CRCP: variants seen among roughly 807,000 people sequenced by gnomAD.
CRCP encodes CGRP receptor component.
In CRCP, 18 loss-of-function variants were observed where a neutral mutation model predicts 18.5. The ratio of observed to expected loss-of-function variants is 0.97; its 90% confidence interval spans 0.67 to 1.44. The LOEUF (loss-of-function observed/expected upper bound fraction) is 1.44, where lower values mean the gene tolerates loss of function less well. Ranked by LOEUF, CRCP falls within the 40% of genes most tolerant of loss-of-function variation. The pLI is 0.00. For missense variants in CRCP, 130 were observed against 176.4 expected (o/e 0.74, Z 1.49); for synonymous variants, 53 against 62.9 (o/e 0.84, Z 0.75).
At chr7:66,130,655 C>A in intron 2 of CRCP, 89 bp from the exon 3 acceptor site, 1 of 720,550 alleles carries the variant, frequency 1.4e-6, no homozygotes, top group Non-Finnish European at 2.4e-6. Context: ...AAGTACTATA[C>A]TTTCCTGTTT....
chr7:66,121,745 T>A (rs1274803120), intron 1 of CRCP, among the ~76,000 whole-genome samples: 1 of 152,216 alleles, frequency 6.6e-6, no homozygotes, highest in East Asian at 1.9e-4. Flanking sequence ...GAACGTAATA[T>A]ATATAATTGG....
At position 66,153,342 on chromosome 7, in the gene CRCP, G is replaced by A. The variant is rs1253279751; in HGVS notation, c.*985G>A. On this transcript the variant is annotated 3_prime_UTR_variant, in exon 6 of 6. Coordinates refer to ENST00000395326, the MANE Select transcript of CRCP (RefSeq NM_014478.5). ...TAATCCCAGCTACTCGGGAGGCCGA[G>A]GCAGGAGAATCGCTTGAACCCGGGA... 2.0e-5 allele frequency: 3 copies of A among 152,334 alleles called. No individual in the cohort carries two copies. The highest frequency in any genetic ancestry group is 4.8e-5 in the African/African-American group (2 of 41,536). The allele number at this position is 152,334 out of a possible 1,614,324, so 9.4% of individuals were successfully genotyped here. A position where few individuals can be genotyped will look rare whatever the true frequency, so the allele number is the denominator to read the frequency against.
intron 1 of CRCP, among the ~76,000 whole-genome samples, chr7:66,125,816 AC>A (rs1787602687): frequency 6.7e-6 from 1 of 149,116 alleles, no homozygotes; most frequent in African/African-American, 2.4e-5. Flanking sequence ...AAGAGAAAAA[AC>A]ATTCATATTT....
At chr7:66,127,928 T>A (rs927625981) in intron 2 of CRCP, among the ~76,000 whole-genome samples, 188 bp downstream of exon 2, 1 of 152,020 alleles carries the variant, frequency 6.6e-6, no homozygotes. Context: ...CTGGCCAACA[T>A]GGTGAAACCC....
chr7:66,146,964 G>T (rs1408692311), intron 5 of CRCP, among the ~76,000 whole-genome samples: 2 of 152,214 alleles, frequency 1.3e-5, no homozygotes, highest in African/African-American at 4.8e-5. Flanking sequence ...CAGGCAGAGA[G>T]AAGAGATGAG....
chr7:66,133,853 G>GTT (rs1787886001), intron 3 of CRCP, among the ~76,000 whole-genome samples: 1 of 123,594 alleles, frequency 8.1e-6, no homozygotes. Flanking sequence ...TTTCTTTTTT[G>GTT]TTTTCTTTTT....
chr7:66,122,882 A>G (rs1241688538), intron 1 of CRCP, among the ~76,000 whole-genome samples: 2 of 151,988 alleles, frequency 1.3e-5, no homozygotes, highest in South Asian at 2.1e-4. Context: ...TTTTCTAGAC[A>G]GTCTTTAAAA....
At chr7:66,124,228 C>T (rs1318200974) in intron 1 of CRCP, among the ~76,000 whole-genome samples, 3 of 150,962 alleles carry the variant, frequency 2.0e-5, no homozygotes, top group Non-Finnish European at 4.4e-5. Context: ...GGGCTGATGG[C>T]GGGTGCCTGT....
intron 2 of CRCP, among the ~76,000 whole-genome samples, chr7:66,129,548 C>A (rs1240893932): frequency 6.6e-6 from 1 of 151,956 alleles, no homozygotes; most frequent in Non-Finnish European, 1.5e-5. Flanking sequence ...AGAAACCTAC[C>A]CCCTTGTGGT....
At chr7:66,134,032 G>GT (rs946567058) in intron 3 of CRCP, among the ~76,000 whole-genome samples, 2 of 151,324 alleles carry the variant, frequency 1.3e-5, no homozygotes, top group African/African-American at 4.8e-5. Flanking sequence ...CTAATTTTTT[G>GT]TATTTTTGGT....
At chr7:66,152,124 C>A in intron 5 of CRCP, 84 bp from the exon 6 acceptor site, 1 of 1,519,470 alleles carries the variant, frequency 6.6e-7, no homozygotes, top group Non-Finnish European at 9.0e-7. Flanking sequence ...GGAGGCCGGG[C>A]TGAGACCATG....
At chr7:66,124,430 A>T (rs1787556717) in intron 1 of CRCP, among the ~76,000 whole-genome samples, 1 of 152,116 alleles carries the variant, frequency 6.6e-6, no homozygotes, top group Non-Finnish European at 1.5e-5. Flanking sequence ...ACCACTTGTT[A>T]ACATTTTGAT....
Position 66,152,236 on chromosome 7 carries a change from C to T in CRCP, c.326C>T (p.Thr109Met), listed in dbSNP as rs763691873. The T allele has an allele frequency of 1.3e-5, 21 of 1,613,934 alleles. No homozygotes were observed. The highest frequency in any genetic ancestry group is 4.0e-5 in the African/African-American group (3 of 74,886). The change falls in exon 6 of 6, where the codon ACG (threonine) becomes ATG (methionine). Residue 109 changes from threonine to methionine, a missense_variant. By Grantham distance (81) the Thr-to-Met change is moderately conservative (BLOSUM62 -1). Transcript: ENST00000395326. ...LMVEESEERLTEEQIEALLHT... is the reference protein window; with the variant it reads ...LMVEESEERLMEEQIEALLHT... ...GTGGAAGAGAGTGAAGAGCGGCTCA[C>T]GGAGGAGCAGATTGAAGCTCTTCTC...
At chr7:66,149,793 T>C (rs1042136244) in intron 5 of CRCP, among the ~76,000 whole-genome samples, 1 of 152,018 alleles carries the variant, frequency 6.6e-6, no homozygotes, top group Non-Finnish European at 1.5e-5. Flanking sequence ...ATGACTACAT[T>C]ATCCCTCACC....
At chr7:66,117,577 A>G (rs1438858678) in intron 1 of CRCP, among the ~76,000 whole-genome samples, 6 of 152,098 alleles carry the variant, frequency 3.9e-5, no homozygotes, top group Non-Finnish European at 5.9e-5. Flanking sequence ...ACCATCTCCA[A>G]TGTTAGCTTT....
chr7:66,124,217 C>T (rs1166246854), intron 1 of CRCP, among the ~76,000 whole-genome samples: 1 of 148,558 alleles, frequency 6.7e-6, no homozygotes, highest in African/African-American at 2.5e-5. Flanking sequence ...AAAAATTAGC[C>T]GGGCTGATGG....
chr7:66,128,094 A>G (rs1430572027), intron 2 of CRCP, among the ~76,000 whole-genome samples: 2 of 150,070 alleles, frequency 1.3e-5, no homozygotes, highest in Admixed American at 6.7e-5. Context: ...CAGCCTGGGC[A>G]ATAGACCAAG....
intron 1 of CRCP, among the ~76,000 whole-genome samples, chr7:66,121,303 G>A (rs1183422461): frequency 3.3e-5 from 5 of 151,894 alleles, no homozygotes; most frequent in African/African-American, 1.2e-4. Flanking sequence ...CTACCGCCTC[G>A]GCCTCCGAAA....
At chr7:66,129,517 T>G (rs436916) in intron 2 of CRCP, among the ~76,000 whole-genome samples, 7 of 151,958 alleles carry the variant, frequency 4.6e-5, no homozygotes, top group South Asian at 2.1e-4. Flanking sequence ...TCCCAGAGTG[T>G]AAGACAGCAA....
Sources: allele counts gnomAD v4.1 joint callset (sites outside exome capture counted in the v4.1 genomes callset), GRCh38; gene constraint gnomAD v4.1.1; transcripts MANE v1.5; gene names NCBI Gene and HGNC (gene_info 2026-07-23, HGNC 2026-07-21).